The following SYK variants were observed in gnomAD, a reference collection of about 807,000 sequenced individuals.
SYK encodes the protein spleen associated tyrosine kinase.
A neutral mutation model predicts 77.8 loss-of-function variants in SYK; 16 were observed. That is an observed-to-expected ratio of 0.21 (90% CI 0.14 to 0.31). The LOEUF (loss-of-function observed/expected upper bound fraction) is 0.31, where lower values mean the gene tolerates loss of function less well. Ranked by LOEUF, SYK falls within the 10% of genes least tolerant of loss-of-function variation. The pLI is 1.00. For missense variants in SYK, 529 were observed against 814.4 expected (o/e 0.65, Z 4.26); for synonymous variants, 312 against 308.7 (o/e 1.01, Z -0.11).
chr9:90,885,505 A>G (rs970724376), intron 11 of SYK, among the ~76,000 whole-genome samples: 1 of 152,232 alleles, frequency 6.6e-6, no homozygotes, highest in Non-Finnish European at 1.5e-5. Context: ...AGAATAAAAA[A>G]GAATGAGCAA....
At position 90,874,661 on chromosome 9, in the gene SYK, C is replaced by T. The variant is rs2118869295; in HGVS notation, c.1004-11C>T. ...CAGCCCCAGGTCGTATGTTTCTTGACTGCATTGCAGGCCCCCAGAGAGAAG... is the reference window on the plus strand; with the variant it reads ...CAGCCCCAGGTCGTATGTTTCTTGATTGCATTGCAGGCCCCCAGAGAGAAG... On this transcript the variant is annotated splice_polypyrimidine_tract_variant and intron_variant, in intron 8 of 13. Transcript: ENST00000375754. 2 of 1,607,038 alleles carry T rather than the reference C, an allele frequency of 1.2e-6. No homozygotes were observed. Among genetic ancestry groups the T allele is most frequent in the Non-Finnish European group, 1.7e-6 (2 of 1,175,790 alleles).
At chr9:90,884,077 G>A (rs540033388) in intron 11 of SYK, among the ~76,000 whole-genome samples, 1 of 151,994 alleles carries the variant, frequency 6.6e-6, no homozygotes, top group South Asian at 2.1e-4. Flanking sequence ...TATGGCCATA[G>A]AAATTATACA....
At chr9:90,819,714 G>A (rs1825438386) in intron 1 of SYK, among the ~76,000 whole-genome samples, 1 of 152,088 alleles carries the variant, frequency 6.6e-6, no homozygotes, top group Non-Finnish European at 1.5e-5. Flanking sequence ...TGGGGACACA[G>A]CCAAATCATA....
At chr9:90,848,295 G>A (rs1826675926) in intron 3 of SYK, among the ~76,000 whole-genome samples, 1 of 152,202 alleles carries the variant, frequency 6.6e-6, no homozygotes, top group Admixed American at 6.5e-5. Flanking sequence ...AAGGCTCCAG[G>A]GAACTCTTGT....
intron 13 of SYK, 21 bp downstream of exon 13, chr9:90,888,648 G>A (rs2118978031): frequency 6.5e-7 from 1 of 1,531,580 alleles, no homozygotes; most frequent in Non-Finnish European, 8.9e-7. Context: ...GACACTGACT[G>A]TGATGTATTC....
chr9:90,862,884 CCCT>C (rs1297204132), intron 4 of SYK, among the ~76,000 whole-genome samples: 6 of 152,064 alleles, frequency 3.9e-5, no homozygotes, highest in Non-Finnish European at 7.4e-5. Flanking sequence ...ATGTCAGGTG[CCCT>C]CCTCATTGTA....
At position 90,877,576 on chromosome 9, in the gene SYK, T is replaced by C. The variant is rs758281930; in HGVS notation, c.1187T>C (p.Val396Ala). ...KKGYYQMKKVVKTVAVKILKN... is the reference protein window; with the variant it reads ...KKGYYQMKKVAKTVAVKILKN... ...TGTTATGATTTCTCTTGCAGAGTTGTGAAAACCGTGGCTGTGAAAATACTG... is the reference window on the plus strand; with the variant it reads ...TGTTATGATTTCTCTTGCAGAGTTGCGAAAACCGTGGCTGTGAAAATACTG... The change falls in exon 10 of 14, where the codon GTG (valine) becomes GCG (alanine). Residue 396 changes from valine to alanine, a missense_variant. Coordinates refer to ENST00000375754, the MANE Select transcript of SYK (RefSeq NM_003177.7). 1 of 1,614,170 alleles carries C rather than the reference T, an allele frequency of 6.2e-7. No homozygotes were observed. The highest frequency in any genetic ancestry group is 8.5e-7 in the Non-Finnish European group (1 of 1,180,014).
chr9:90,873,460 A>G (rs1827808197), intron 7 of SYK, among the ~76,000 whole-genome samples: 1 of 152,222 alleles, frequency 6.6e-6, no homozygotes. Context: ...AGAGACTTTC[A>G]AAAGGGAAAG....
intron 3 of SYK, among the ~76,000 whole-genome samples, chr9:90,861,482 A>C (rs9695993): frequency 0.15 from 23,378 of 151,376 alleles, 2,003 homozygotes; most frequent in African/African-American, 0.22. Context: ...AACTGTTTGA[A>C]GTCCAGCCCT....
chr9:90,848,074 G>T (rs1826666624), intron 3 of SYK, among the ~76,000 whole-genome samples: 2 of 152,278 alleles, frequency 1.3e-5, no homozygotes, highest in South Asian at 4.1e-4. Context: ...TACTGTGAGT[G>T]TTTGAATATG....
intron 3 of SYK, among the ~76,000 whole-genome samples, chr9:90,849,813 A>T (rs908725547): frequency 6.6e-6 from 1 of 152,244 alleles, no homozygotes; most frequent in African/African-American, 2.4e-5. Context: ...CTTTGTCTGT[A>T]AAATGGCTTT....
chr9:90,874,377 A>C, intron 8 of SYK, 86 bp downstream of exon 8: 1 of 1,363,728 alleles, frequency 7.3e-7, no homozygotes, highest in Middle Eastern at 1.8e-4. Context: ...ACGAATCCAC[A>C]CCACGTCCGT....
chr9:90,841,856 T>G (rs1826366652), intron 1 of SYK, among the ~76,000 whole-genome samples: 1 of 138,124 alleles, frequency 7.2e-6, no homozygotes, highest in Non-Finnish European at 1.6e-5. Flanking sequence ...GTGCAGTGTG[T>G]TATGTGTGTT....
chr9:90,865,992 G>A (rs1007479402), intron 6 of SYK, among the ~76,000 whole-genome samples: 3 of 130,398 alleles, frequency 2.3e-5, no homozygotes, highest in East Asian at 2.7e-4. Context: ...TCTGCCTCCC[G>A]GGTTCACGCC....
intron 1 of SYK, among the ~76,000 whole-genome samples, chr9:90,843,270 T>C (rs774875715): frequency 1.1e-4 from 16 of 152,134 alleles, no homozygotes; most frequent in Non-Finnish European, 1.8e-4. Flanking sequence ...TGACCACAAG[T>C]CACAGTTCCG....
chr9:90,857,917 C>T (rs999949511), intron 3 of SYK, among the ~76,000 whole-genome samples: 1 of 147,650 alleles, frequency 6.8e-6, no homozygotes, highest in Non-Finnish European at 1.5e-5. Context: ...TGACAACTGA[C>T]CCGGTGATAC....
intron 1 of SYK, among the ~76,000 whole-genome samples, chr9:90,805,600 A>G (rs1458048991): frequency 6.6e-6 from 1 of 152,230 alleles, no homozygotes; most frequent in Non-Finnish European, 1.5e-5. Flanking sequence ...TATAAGTAGC[A>G]TTTGAATGTT....
intron 11 of SYK, among the ~76,000 whole-genome samples, chr9:90,881,843 G>A (rs891368872): frequency 6.6e-6 from 1 of 152,116 alleles, no homozygotes; most frequent in African/African-American, 2.4e-5. Context: ...CCTTCCGAGA[G>A]CAAACACACA....
intron 1 of SYK, among the ~76,000 whole-genome samples, chr9:90,808,834 G>A (rs1024078215): frequency 1.3e-5 from 2 of 152,244 alleles, no homozygotes; most frequent in Admixed American, 1.3e-4. Context: ...ACTGCTGCCT[G>A]CCTGCACAGG....
Sources: gnomAD v4.1 joint callset for allele counts (sites outside exome capture counted in the v4.1 genomes callset) on GRCh38, gnomAD v4.1.1 for gene constraint, MANE v1.5 for transcripts, NCBI Gene and HGNC (gene_info 2026-07-23, HGNC 2026-07-21) for gene names.